Variants in BMPR2 observed in about 807,000 individuals in gnomAD.
BMPR2 encodes bone morphogenetic protein receptor type-2.
In BMPR2, 29 loss-of-function variants were observed where a neutral mutation model predicts 100.8. The observed-to-expected ratio is 0.29, with a 90% confidence interval of 0.21 to 0.39. The LOEUF is 0.39. Ranked by LOEUF, BMPR2 falls within the 10% of genes least tolerant of loss-of-function variation. BMPR2 has a pLI of 1.00. For missense variants in BMPR2, 1,011 were observed against 1,274.5 expected, an observed-to-expected ratio of 0.79 and a Z score of 3.15; for synonymous variants, 382 against 442.3, an observed-to-expected ratio of 0.86 and a Z score of 1.71.
intron 3 of BMPR2, among the ~76,000 whole-genome samples, chr2:202,469,073 G>C (rs1692381319): frequency 6.6e-6 from 1 of 151,890 alleles, no homozygotes. Context: ...TCTTGTTGCC[G>C]AGGCTGGAGT....
chr2:202,451,513 A>C (rs1236507450), intron 1 of BMPR2, among the ~76,000 whole-genome samples: 3 of 152,142 alleles, frequency 2.0e-5, no homozygotes, highest in Non-Finnish European at 4.4e-5. Flanking sequence ...AGCCTGGCCA[A>C]CATGGCAAAA....
At chr2:202,454,005 ATATTGCAG>A (rs1692038779) in intron 1 of BMPR2, among the ~76,000 whole-genome samples, 1 of 152,184 alleles carries the variant, frequency 6.6e-6, no homozygotes, top group Non-Finnish European at 1.5e-5. Flanking sequence ...GGTGAGTAAA[ATATTGCAG>A]TAAGACTAGG....
chr2:202,558,439 T>TG (rs1430911485), intron 12 of BMPR2, among the ~76,000 whole-genome samples: 2 of 152,086 alleles, frequency 1.3e-5, no homozygotes, highest in African/African-American at 4.8e-5. Context: ...AAGGCATTTA[T>TG]GAAAAAAAGT....
intron 7 of BMPR2, among the ~76,000 whole-genome samples, chr2:202,523,266 T>C (rs1687851991): frequency 6.6e-6 from 1 of 152,196 alleles, no homozygotes; most frequent in Admixed American, 6.5e-5. Context: ...AGCGGAACAC[T>C]TATACATTAT....
intron 3 of BMPR2, among the ~76,000 whole-genome samples, chr2:202,511,841 G>A (rs757421727): frequency 3.3e-5 from 5 of 152,082 alleles, no homozygotes; most frequent in South Asian, 2.1e-4. Flanking sequence ...TTAACATGGT[G>A]AAACCCCATC....
rs13420557 is a variant in BMPR2, at chr2:202,519,115, A to T, written c.852+63A>T. 1.3e-3 allele frequency: 2,009 copies of T among 1,530,946 alleles called. 23 individuals are homozygous for T. In the African/African-American group the frequency reaches 0.023, roughly 17 times the overall value. 94.8% of individuals were successfully genotyped at this position (1,530,946 alleles called of 1,614,324 possible). On this transcript the variant is annotated intron_variant, in intron 6 of 12. Transcript: ENST00000374580. ...GGTGGCTTATGCCTGTAATCCCAGC[A>T]CTTTTGGAGGCTAAGGCAGGTGGAT...
intron 10 of BMPR2, among the ~76,000 whole-genome samples, chr2:202,547,761 C>CG (rs1336912833): frequency 8.4e-6 from 1 of 118,932 alleles, no homozygotes; most frequent in Non-Finnish European, 1.6e-5. Context: ...CCAGCCTGGA[C>CG]GACAGAGCAA....
rs374556553 is a variant in BMPR2, at chr2:202,555,658, A to G, written c.1993A>G (p.Thr665Ala). The G allele has an allele frequency of 5.6e-6, 9 of 1,614,048 alleles. No individual in the cohort carries two copies. The highest frequency in any genetic ancestry group is 7.6e-6 in the Non-Finnish European group (9 of 1,180,046). The change falls in exon 12 of 13, where the codon ACC becomes GCC. Residue 665 changes from threonine to alanine, a missense_variant. Physicochemically the swap from Thr to Ala is moderately conservative, Grantham distance 58 (BLOSUM62 0). Around this residue, in one of 6 missense-constraint regions of BMPR2, gnomAD observed 508 missense variants for 552.0 expected, o/e 0.92. Coordinates refer to ENST00000374580, the MANE Select transcript of BMPR2 (RefSeq NM_001204.7). The stretch of plus-strand genomic sequence containing the variant: ...ACAGCTGACAGAAGAAGACTTGGAA[A>G]CCAACAAGCTAGACCCAAAAGAAGT... ...CLQLTEEDLETNKLDPKEVDK... is the reference protein window; with the variant it reads ...CLQLTEEDLEANKLDPKEVDK...
rs75282730 is a variant in BMPR2, at chr2:202,415,912, A to G, written c.76+38362A>G. Among the ~76,000 whole-genome samples the G allele has an allele frequency of 7.4e-4, 112 of 152,354 alleles. 1 individual carries two copies. In the East Asian group the frequency reaches 0.019, roughly 25 times the overall value. ...AGCCTATGGATCCAGGAGTAATTTT[A>G]ACTTTAAAATCTTATTTAAGAAATA... On this transcript the variant is annotated intron_variant, in intron 1 of 12. Coordinates refer to ENST00000374580, the MANE Select transcript of BMPR2 (RefSeq NM_001204.7).
At chr2:202,449,221 T>C (rs1051525798) in intron 1 of BMPR2, among the ~76,000 whole-genome samples, 1 of 151,734 alleles carries the variant, frequency 6.6e-6, no homozygotes, top group Non-Finnish European at 1.5e-5. Context: ...GGCAGGAGAA[T>C]CGCTTGAAAC....
At chr2:202,530,761 T>C (rs2106018021) in intron 7 of BMPR2, 33 bp from the exon 8 acceptor site, 2 of 1,553,818 alleles carry the variant, frequency 1.3e-6, no homozygotes, top group East Asian at 2.3e-5. Flanking sequence ...GTCCCTTTTA[T>C]TCATTGATAA....
At chr2:202,505,747 G>T (rs2105995535) in intron 3 of BMPR2, among the ~76,000 whole-genome samples, 1 of 152,236 alleles carries the variant, frequency 6.6e-6, no homozygotes, top group East Asian at 1.9e-4. Context: ...GTCCACAGTG[G>T]CTAAAGTGGG....
At chr2:202,465,578 G>A (rs1692303204) in intron 2 of BMPR2, among the ~76,000 whole-genome samples, 1 of 152,090 alleles carries the variant, frequency 6.6e-6, no homozygotes, top group Non-Finnish European at 1.5e-5. Context: ...ATTTTTACTG[G>A]CCGGGCGTGG....
At chr2:202,426,883 T>TA (rs1411639180) in intron 1 of BMPR2, among the ~76,000 whole-genome samples, 1 of 152,018 alleles carries the variant, frequency 6.6e-6, no homozygotes, top group Admixed American at 6.6e-5. Flanking sequence ...CCTGTCTCTT[T>TA]AAAAGTAAAA....
At position 202,538,262 on chromosome 2, in the gene BMPR2, G is replaced by A. The variant is rs1020518792; in HGVS notation, c.1277-4049G>A. Reference sequence around the variant, plus strand: ...TGAGGTCAGGAGTTCGAAACCAGCCGGGCCAACATGGTGAAAGCCTATCTC... The same window carrying A: ...TGAGGTCAGGAGTTCGAAACCAGCCAGGCCAACATGGTGAAAGCCTATCTC... On this transcript the variant is annotated intron_variant, in intron 9 of 12. Coordinates refer to ENST00000374580, the MANE Select transcript of BMPR2 (RefSeq NM_001204.7). 2.7e-5 allele frequency among the ~76,000 whole-genome samples: 4 copies of A among 149,238 alleles called. No individual in the cohort carries two copies. The South Asian group carries it at 6.4e-4, about 24-fold the overall frequency.
At chr2:202,541,829 A>G (rs2106030289) in intron 9 of BMPR2, among the ~76,000 whole-genome samples, 1 of 152,292 alleles carries the variant, frequency 6.6e-6, no homozygotes, top group African/African-American at 2.4e-5. Flanking sequence ...ATAATGCATT[A>G]GACTGGGCAT....
rs1420813407 is a variant in BMPR2 at position 202,556,158 on chromosome 2, A to G, written c.2493A>G (p.Leu831=). The change falls in exon 12 of 13, where the codon CTA becomes CTG. Residue 831 remains leucine (L), a synonymous_variant. Coordinates refer to ENST00000374580, the MANE Select transcript of BMPR2 (RefSeq NM_001204.7). The part of the protein sequence containing the change: ...ATTQYANGTV[L]SGQTTNIVTH... The stretch of plus-strand genomic sequence containing the variant: ...CCCAATATGCCAATGGGACAGTACT[A>G]TCTGGCCAAACAACCAACATAGTGA... 1.1e-5 allele frequency: 17 copies of G among 1,612,356 alleles called. No homozygotes were observed. Among genetic ancestry groups the G allele is most frequent in the African/African-American group, 1.3e-5 (1 of 74,894 alleles).
At chr2:202,517,001 T>C (rs529514021) in intron 5 of BMPR2, among the ~76,000 whole-genome samples, 2 of 152,262 alleles carry the variant, frequency 1.3e-5, no homozygotes, top group Admixed American at 1.3e-4. Flanking sequence ...GCTGGTTCTT[T>C]GGGTGTTGAG....
chr2:202,526,074 C>T (rs529296670), intron 7 of BMPR2, among the ~76,000 whole-genome samples: 1 of 151,918 alleles, frequency 6.6e-6, no homozygotes, highest in Non-Finnish European at 1.5e-5. Flanking sequence ...CATGTTGACT[C>T]AGGCTGGTCT....
Sources: gnomAD v4.1 joint callset for allele counts (sites outside exome capture counted in the v4.1 genomes callset) on GRCh38, gnomAD v4.1.1 for gene constraint, gnomAD v4.1.1 regional missense constraint, MANE v1.5 for transcripts, NCBI Gene and HGNC (gene_info 2026-07-23, HGNC 2026-07-21) for gene names.